Variants in TF observed in about 807,000 individuals in gnomAD.
TF encodes the protein serotransferrin.
In TF, 55 loss-of-function variants were observed where a neutral mutation model predicts 82.4. The ratio of observed to expected loss-of-function variants is 0.67; its 90% confidence interval spans 0.54 to 0.84. The LOEUF (loss-of-function observed/expected upper bound fraction) is 0.84, where lower values mean the gene tolerates loss of function less well. Among genes scored for constraint, TF ranks in the 40% least tolerant of loss-of-function variants. TF has a pLI of 0.00. For missense variants in TF, 737 were observed against 868.4 expected, an observed-to-expected ratio of 0.85 and a Z score of 1.90; for synonymous variants, 332 against 332.6, an observed-to-expected ratio of 1.00 and a Z score of 0.02.
chr3:133,698,221 C>T, the TF span, among the ~76,000 whole-genome samples: 14 of 152,314 alleles, frequency 9.2e-5, no homozygotes, highest in East Asian at 2.1e-3. Context: ...AATCAATCTG[C>T]ACTTTCATTG....
intron 13 of TF, among the ~76,000 whole-genome samples, chr3:133,768,490 TA>T (rs1397437738): frequency 1.3e-5 from 2 of 152,208 alleles, no homozygotes; most frequent in African/African-American, 4.8e-5. Context: ...GAAGTGCTAC[TA>T]GCATCTAACA....
chr3:133,748,414 CTG>C lies in TF; in HGVS notation c.50_51del (p.Cys17SerfsTer5). 6.2e-7 allele frequency: 1 copy of C among 1,614,124 alleles called. No homozygotes were observed. The highest frequency in any genetic ancestry group is 8.5e-7 in the Non-Finnish European group (1 of 1,180,034). Reference protein sequence around the residue: ...GALLVCAVLGLCLAVPDKTVR... With the variant: ...GALLVCAVLGXCLAVPDKTVR... ...CACCTCTGGCCTCTCTCCCCCAGGG[CTG>C]TGTCTGGCTGTCCCTGATAAAACTG... On this transcript the variant is annotated frameshift_variant, in exon 2 of 17. Coordinates refer to ENST00000402696, the MANE Select transcript of TF (RefSeq NM_001063.4). LOFTEE classifies it high-confidence loss of function.
intron 16 of TF, chr3:133,777,515 C>T: frequency 2.4e-6 from 1 of 418,406 alleles, no homozygotes; most frequent in South Asian, 2.9e-5. Flanking sequence ...TTTATGTGTA[C>T]ATGCCATTGC....
At chr3:133,701,439 T>A in the TF span, among the ~76,000 whole-genome samples, 35 of 152,342 alleles carry the variant, frequency 2.3e-4, no homozygotes, top group South Asian at 6.4e-3. Flanking sequence ...ATTTCTTCCT[T>A]CTTTCCTTCT....
the TF span, among the ~76,000 whole-genome samples, chr3:133,739,289 C>T: frequency 6.6e-6 from 1 of 152,118 alleles, no homozygotes; most frequent in Non-Finnish European, 1.5e-5. Flanking sequence ...TGGACCCCTT[C>T]CTTACACCAT....
At chr3:133,759,474 C>T (rs899047164) in intron 9 of TF, 145 bp downstream of exon 9, 4 of 987,818 alleles carry the variant, frequency 4.0e-6, no homozygotes, top group South Asian at 1.3e-5. Flanking sequence ...ACAGCCCCAC[C>T]GGAGGTTCAG....
At chr3:133,698,692 C>T in the TF span, among the ~76,000 whole-genome samples, 62 of 152,258 alleles carry the variant, frequency 4.1e-4, no homozygotes, top group Admixed American at 1.4e-3. Flanking sequence ...CCAGTGTGAC[C>T]GCATCTTAAC....
chr3:133,736,633 A>AAAAAG, the TF span, among the ~76,000 whole-genome samples: 15 of 110,380 alleles, frequency 1.4e-4, 1 homozygote, highest in East Asian at 2.2e-3. Flanking sequence ...TGGAAAGCCA[A>AAAAAG]AAAAAAAAAA....
At chr3:133,662,082 C>T in the TF span, 1 of 152,216 alleles carries the variant, frequency 6.6e-6, no homozygotes, top group Non-Finnish European at 1.5e-5. Context: ...TGGGCCGGAC[C>T]CTTTGGGTTT....
chr3:133,756,183 C>T (rs1033824928), intron 5 of TF, 99 bp from the exon 6 acceptor site: 2 of 1,196,922 alleles, frequency 1.7e-6, no homozygotes, highest in African/African-American at 3.0e-5. Flanking sequence ...GCACCAGGCT[C>T]TATCCTAGTG....
At chr3:133,724,599 G>T in the TF span, among the ~76,000 whole-genome samples, 21 of 152,076 alleles carry the variant, frequency 1.4e-4, no homozygotes, top group African/African-American at 5.1e-4. Flanking sequence ...CTCCCATTTT[G>T]TAGGCTGCCT....
the TF span, among the ~76,000 whole-genome samples, chr3:133,669,053 T>C: frequency 1.2e-3 from 187 of 152,098 alleles, 1 homozygote; most frequent in Non-Finnish European, 2.4e-3. Context: ...CAGGGTGGAG[T>C]GCAATGGCGC....
At chr3:133,710,952 AGCCACCAGTG>A in the TF span, among the ~76,000 whole-genome samples, 2 of 152,170 alleles carry the variant, frequency 1.3e-5, no homozygotes, top group African/African-American at 4.8e-5. Flanking sequence ...ATTCTGGTCA[AGCCACCAGTG>A]GCCTCCATAC....
chr3:133,719,412 T>C, the TF span, among the ~76,000 whole-genome samples: 6 of 152,106 alleles, frequency 3.9e-5, no homozygotes, highest in Non-Finnish European at 5.9e-5. Flanking sequence ...CCCCTATAAT[T>C]CCCAGGGATT....
chr3:133,765,053 T>A, intron 11 of TF, 146 bp downstream of exon 11: 2 of 799,908 alleles, frequency 2.5e-6, no homozygotes, highest in South Asian at 3.1e-5. Context: ...TAGTAATGGA[T>A]AATGATGGTT....
the TF span, among the ~76,000 whole-genome samples, chr3:133,716,891 A>G: frequency 1.3e-5 from 2 of 151,402 alleles, no homozygotes; most frequent in South Asian, 2.1e-4. Context: ...CCTCAGGCAC[A>G]CTCCTTCCCC....
the TF span, among the ~76,000 whole-genome samples, chr3:133,679,754 T>C: frequency 6.6e-6 from 1 of 152,186 alleles, no homozygotes; most frequent in Non-Finnish European, 1.5e-5. Context: ...GGGGCTATTA[T>C]GAATAAAGCT....
the TF span, among the ~76,000 whole-genome samples, chr3:133,684,924 T>C: frequency 1.3e-5 from 2 of 152,080 alleles, no homozygotes; most frequent in Admixed American, 6.6e-5. Flanking sequence ...TAGACCAATA[T>C]CCCTGATGAA....
At chr3:133,725,095 C>T in the TF span, among the ~76,000 whole-genome samples, 1 of 152,186 alleles carries the variant, frequency 6.6e-6, no homozygotes, top group Non-Finnish European at 1.5e-5. Context: ...AGCGTGATGC[C>T]TCCAGCTTTG....
Sources: allele counts gnomAD v4.1 joint callset (sites outside exome capture counted in the v4.1 genomes callset), GRCh38; gene constraint gnomAD v4.1.1; transcripts MANE v1.5; gene names NCBI Gene and HGNC (gene_info 2026-07-23, HGNC 2026-07-21).